The following KCNIP4 variants were observed in gnomAD, a reference collection of about 807,000 sequenced individuals.
KCNIP4 encodes potassium voltage-gated channel interacting protein 4.
Under a neutral mutation model 34.0 loss-of-function variants are expected in KCNIP4, and 12 were observed. That is an observed-to-expected ratio of 0.35 (90% CI 0.23 to 0.57). The LOEUF is 0.57. KCNIP4 is among the 20% of genes least tolerant of loss of function. The probability of loss-of-function intolerance (pLI) is 0.83; values close to 1 mark genes in which losing one functional copy is unlikely to be tolerated. For missense variants in KCNIP4, 238 were observed against 311.7 expected (o/e 0.76, Z 1.78); for synonymous variants, 124 against 102.2 (o/e 1.21, Z -1.29).
At chr4:21,875,560 C>T (rs111512389) in intron 1 of KCNIP4, among the ~76,000 whole-genome samples, 154 of 152,244 alleles carry the variant, frequency 1.0e-3, no homozygotes, top group Middle Eastern at 3.4e-3. Flanking sequence ...GGCACAATGT[C>T]TAGTATGCTG....
At chr4:20,930,242 A>G (rs556733331) in intron 1 of KCNIP4, among the ~76,000 whole-genome samples, 4 of 152,204 alleles carry the variant, frequency 2.6e-5, no homozygotes, top group South Asian at 2.1e-4. Context: ...CAAGGGTACC[A>G]ACAGGACACC....
rs78411301 is a variant in KCNIP4, at chr4:20,946,121, G to A, written c.62-63412C>T. 4.1e-3 allele frequency among the ~76,000 whole-genome samples: 621 copies of A among 152,274 alleles called. 4 individuals are homozygous for A. The highest frequency in any genetic ancestry group is 0.014 in the African/African-American group (569 of 41,534). The stretch of plus-strand genomic sequence containing the variant: ...CAAGACCAGCAAGGGTCCTCACTGT[G>A]TATGGCTTATGTTCTGGTGGTGGTG... On this transcript the variant is annotated intron_variant, in intron 1 of 8. Coordinates refer to ENST00000382152, the MANE Select transcript of KCNIP4 (RefSeq NM_025221.6).
intron 5 of KCNIP4, among the ~76,000 whole-genome samples, chr4:20,740,725 T>C (rs1750859303): frequency 6.6e-6 from 1 of 152,104 alleles, no homozygotes; most frequent in African/African-American, 2.4e-5. Context: ...CACATAACAA[T>C]ATTAACCTTA....
intron 1 of KCNIP4, among the ~76,000 whole-genome samples, chr4:20,998,409 G>T (rs1001884137): frequency 6.6e-6 from 1 of 152,040 alleles, no homozygotes; most frequent in Admixed American, 6.6e-5. Flanking sequence ...GGGCAGGGGT[G>T]GAATATAAAA....
intron 1 of KCNIP4, among the ~76,000 whole-genome samples, chr4:21,615,312 G>A (rs1009620157): frequency 9.2e-5 from 14 of 151,862 alleles, no homozygotes; most frequent in African/African-American, 2.9e-4. Flanking sequence ...AGGCTGAGGC[G>A]GGCGGATCAC....
rs577953219 is a variant in KCNIP4 at position 21,335,374 on chromosome 4, C to G, written c.62-452665G>C. Reference sequence around the variant, plus strand: ...CCAGAAAGCACAATCAATGGATTATCTCCCTTGCCCCTGAAATTTTCTGGG... The same window carrying G: ...CCAGAAAGCACAATCAATGGATTATGTCCCTTGCCCCTGAAATTTTCTGGG... On this transcript the variant is annotated intron_variant, in intron 1 of 8. Coordinates refer to ENST00000382152, the MANE Select transcript of KCNIP4 (RefSeq NM_025221.6). 1.5e-4 allele frequency among the ~76,000 whole-genome samples: 23 copies of G among 152,228 alleles called. No homozygotes were observed. In the East Asian group the frequency reaches 2.3e-3, roughly 15 times the overall value.
rs1730646151 is a variant in KCNIP4 at position 21,948,747 on chromosome 4, G to A, written c.-116C>T. 6 of 1,224,710 alleles carry A rather than the reference G, an allele frequency of 4.9e-6. No homozygotes were observed. The highest frequency in any genetic ancestry group is 5.2e-6 in the Non-Finnish European group (5 of 969,932). 75.9% of individuals were successfully genotyped at this position (1,224,710 alleles called of 1,614,324 possible). On this transcript the variant is annotated 5_prime_UTR_variant, in exon 1 of 9. Transcript: ENST00000382152. ...CGGCCCGGGGGCGTCCGTGGCGCTGGGAGCGAGAGCTTCGGCGGCGGCTGC... is the reference window on the plus strand; with the variant it reads ...CGGCCCGGGGGCGTCCGTGGCGCTGAGAGCGAGAGCTTCGGCGGCGGCTGC...
intron 1 of KCNIP4, among the ~76,000 whole-genome samples, chr4:21,277,869 T>C (rs966280176): frequency 2.6e-5 from 4 of 152,166 alleles, no homozygotes; most frequent in African/African-American, 9.6e-5. Flanking sequence ...TTTCTGAATT[T>C]TACAGCACCT....
At chr4:20,888,956 A>G (rs1725614192) in intron 1 of KCNIP4, among the ~76,000 whole-genome samples, 1 of 152,188 alleles carries the variant, frequency 6.6e-6, no homozygotes, top group Non-Finnish European at 1.5e-5. Flanking sequence ...ACAGAATGTT[A>G]CTTAATACAA....
intron 1 of KCNIP4, among the ~76,000 whole-genome samples, chr4:21,665,843 C>A (rs1474148580): frequency 6.6e-6 from 1 of 152,210 alleles, no homozygotes; most frequent in Non-Finnish European, 1.5e-5. Context: ...CTGCAGCCAA[C>A]TCCCTATATC....
chr4:21,036,820 T>C (rs975108198), intron 1 of KCNIP4, among the ~76,000 whole-genome samples: 3 of 152,230 alleles, frequency 2.0e-5, no homozygotes, highest in African/African-American at 7.2e-5. Context: ...GATGCTTTGG[T>C]CAACAACAGA....
intron 1 of KCNIP4, among the ~76,000 whole-genome samples, chr4:20,954,121 T>C (rs1733062740): frequency 6.6e-6 from 1 of 152,152 alleles, no homozygotes; most frequent in African/African-American, 2.4e-5. Context: ...GAATAAGTAT[T>C]ACCTCAAGTG....
At chr4:21,088,515 T>A (rs1746672077) in intron 1 of KCNIP4, among the ~76,000 whole-genome samples, 3 of 152,122 alleles carry the variant, frequency 2.0e-5, no homozygotes, top group Admixed American at 1.3e-4. Context: ...ATGATATCAA[T>A]CTCTTCCATC....
intron 1 of KCNIP4, among the ~76,000 whole-genome samples, chr4:21,227,403 C>T (rs1445947721): frequency 6.6e-6 from 1 of 152,206 alleles, no homozygotes; most frequent in Non-Finnish European, 1.5e-5. Flanking sequence ...ACTAACAAGA[C>T]TGGACTGTGG....
intron 1 of KCNIP4, among the ~76,000 whole-genome samples, chr4:21,914,302 A>T (rs1337459038): frequency 6.6e-6 from 1 of 152,098 alleles, no homozygotes; most frequent in Non-Finnish European, 1.5e-5. Context: ...AATGGACAGA[A>T]CTTATCACAC....
intron 1 of KCNIP4, among the ~76,000 whole-genome samples, chr4:21,418,596 G>C (rs1725171917): frequency 6.6e-6 from 1 of 152,184 alleles, no homozygotes; most frequent in African/African-American, 2.4e-5. Flanking sequence ...GCTCTGGAGA[G>C]ATATAAAGAG....
At chr4:21,214,319 T>A (rs953785251) in intron 1 of KCNIP4, among the ~76,000 whole-genome samples, 8 of 152,216 alleles carry the variant, frequency 5.3e-5, no homozygotes, top group Non-Finnish European at 7.3e-5. Context: ...CATATCCCTG[T>A]CTCCTCTCAT....
At chr4:21,623,443 G>C (rs1346009477) in intron 1 of KCNIP4, among the ~76,000 whole-genome samples, 1 of 152,142 alleles carries the variant, frequency 6.6e-6, no homozygotes, top group African/African-American at 2.4e-5. Flanking sequence ...CCAACAGTAA[G>C]AACTCAACAA....
At chr4:21,617,323 G>C (rs1044687331) in intron 1 of KCNIP4, among the ~76,000 whole-genome samples, 4 of 152,126 alleles carry the variant, frequency 2.6e-5, no homozygotes, top group Admixed American at 2.6e-4. Flanking sequence ...GAATCACAGA[G>C]AAGTGGGTCA....
Sources: allele counts gnomAD v4.1 joint callset (sites outside exome capture counted in the v4.1 genomes callset), GRCh38; gene constraint gnomAD v4.1.1; transcripts MANE v1.5; gene names NCBI Gene and HGNC (gene_info 2026-07-23, HGNC 2026-07-21).